SLC47A1: variants seen among roughly 807,000 people sequenced by gnomAD.
SLC47A1 encodes solute carrier family 47 member 1.
Under a neutral mutation model 65.8 loss-of-function variants are expected in SLC47A1, and 58 were observed. The observed-to-expected ratio is 0.88, with a 90% confidence interval of 0.71 to 1.10. SLC47A1 has a LOEUF of 1.10. SLC47A1 is among the 50% of genes least tolerant of loss of function. The pLI is 0.00. For synonymous variants in SLC47A1, 285 were observed against 295.0 expected (o/e 0.97, Z 0.35); for missense variants, 706 against 719.2 (o/e 0.98, Z 0.21).
At chr17:19,543,709 G>A (rs1198454108) in intron 2 of SLC47A1, among the ~76,000 whole-genome samples, 1 of 152,186 alleles carries the variant, frequency 6.6e-6, no homozygotes, top group Non-Finnish European at 1.5e-5. Flanking sequence ...GGAATTGTCA[G>A]CTGGCCATGT....
chr17:19,544,679 C>A (rs1174548316), intron 2 of SLC47A1, among the ~76,000 whole-genome samples: 1 of 152,234 alleles, frequency 6.6e-6, no homozygotes, highest in African/African-American at 2.4e-5. Flanking sequence ...CCCCAGGGTA[C>A]GGACGCAGGC....
intron 1 of SLC47A1, among the ~76,000 whole-genome samples, chr17:19,539,401 C>T (rs1191513993): frequency 6.6e-6 from 1 of 152,094 alleles, no homozygotes; most frequent in Non-Finnish European, 1.5e-5. Context: ...CAAAGTGTGG[C>T]CCTGGACCAC....
chr17:19,576,044 G>C (rs114507974), intron 16 of SLC47A1, among the ~76,000 whole-genome samples: 1 of 151,772 alleles, frequency 6.6e-6, no homozygotes, highest in Non-Finnish European at 1.5e-5. Flanking sequence ...TGAATGGATT[G>C]GGGGCAGGGT....
chr17:19,569,192 C>T (rs1230317935), intron 14 of SLC47A1, among the ~76,000 whole-genome samples: 2 of 151,568 alleles, frequency 1.3e-5, no homozygotes, highest in Middle Eastern at 3.2e-3. Context: ...GGCAACTTGG[C>T]GAAACCCCGT....
intron 16 of SLC47A1, among the ~76,000 whole-genome samples, chr17:19,576,402 A>C (rs1253360621): frequency 7.3e-6 from 1 of 136,480 alleles, no homozygotes; most frequent in Non-Finnish European, 1.5e-5. Context: ...CTCAGGCTGG[A>C]CTGCAGTAGC....
chr17:19,536,867 C>G (rs906423748), intron 1 of SLC47A1, among the ~76,000 whole-genome samples: 2 of 152,174 alleles, frequency 1.3e-5, no homozygotes, highest in Non-Finnish European at 2.9e-5. Context: ...TAACCCTGAC[C>G]CTTGAGGTCT....
intron 14 of SLC47A1, among the ~76,000 whole-genome samples, chr17:19,570,319 G>C (rs1191045244): frequency 6.6e-6 from 1 of 152,200 alleles, no homozygotes; most frequent in African/African-American, 2.4e-5. Flanking sequence ...TTCTCAGCAA[G>C]GGTGTTGGCT....
Sources: gnomAD v4.1 joint callset for allele counts (sites outside exome capture counted in the v4.1 genomes callset) on GRCh38, gnomAD v4.1.1 for gene constraint, MANE v1.5 for transcripts, NCBI Gene and HGNC (gene_info 2026-07-23, HGNC 2026-07-21) for gene names.